PTPN14: variants seen among roughly 807,000 people sequenced by gnomAD.
PTPN14 encodes tyrosine-protein phosphatase non-receptor type 14.
A neutral mutation model predicts 126.8 loss-of-function variants in PTPN14; 53 were observed. That is an observed-to-expected ratio of 0.42 (90% CI 0.34 to 0.53). The LOEUF is 0.53. Among genes scored for constraint, PTPN14 ranks in the 20% least tolerant of loss-of-function variants. The pLI is 0.08. For missense variants in PTPN14, 1,257 were observed against 1,552.9 expected (o/e 0.81, Z 3.20); for synonymous variants, 630 against 599.3 (o/e 1.05, Z -0.75).
chr1:214,385,255 C>T (rs563254086), intron 12 of PTPN14, among the ~76,000 whole-genome samples: 3 of 152,326 alleles, frequency 2.0e-5, no homozygotes, highest in Admixed American at 1.3e-4. Flanking sequence ...AAAGCCCCTT[C>T]ACCCAGGGGA....
Position 214,364,429 on chromosome 1 carries a change from G to C in PTPN14, c.3435+83C>G. 1 of 1,490,572 alleles carries C rather than the reference G, an allele frequency of 6.7e-7. No individual in the cohort carries two copies. The highest frequency in any genetic ancestry group is 9.0e-7 in the Non-Finnish European group (1 of 1,108,112). 92.3% of individuals were successfully genotyped at this position (1,490,572 alleles called of 1,614,324 possible). On this transcript the variant is annotated intron_variant, in intron 18 of 18. Coordinates refer to ENST00000366956, the MANE Select transcript of PTPN14 (RefSeq NM_005401.5). The surrounding 1 kb of genome is among the most constrained non-coding windows in gnomAD (Gnocchi z 4.1). The stretch of plus-strand genomic sequence containing the variant: ...AGACAGGAAATTAACCACTGAAAAT[G>C]CAAGGGTGCAGGCAAAGGTTTGGCC...
Position 214,451,862 on chromosome 1 carries a change from A to T in PTPN14, c.287T>A (p.Phe96Tyr). Residue 96 changes from phenylalanine (F) to tyrosine (Y), a missense_variant, in exon 3 of 19, where the codon TTC (phenylalanine) becomes TAC (tyrosine). Phe to Tyr is a conservative substitution (Grantham distance 22). Transcript: ENST00000366956. The stretch of plus-strand genomic sequence containing the variant: ...TGGCACATAGAACATGACTCCAAAG[A>T]AAAGCAAAGGCTCATTAGCGAATTT... ...LDKFANEPLL[F>Y]FGVMFYVPNV... 2.5e-6 allele frequency: 4 copies of T among 1,614,252 alleles called. No individual in the cohort carries two copies. Among genetic ancestry groups the T allele is most frequent in the Non-Finnish European group, 3.4e-6 (4 of 1,180,044 alleles).
chr1:214,443,102 C>T (rs756035600), intron 3 of PTPN14, among the ~76,000 whole-genome samples: 2 of 152,170 alleles, frequency 1.3e-5, no homozygotes, highest in Admixed American at 6.5e-5. Context: ...GGATTACAGG[C>T]GTGAACCACC....
intron 1 of PTPN14, among the ~76,000 whole-genome samples, chr1:214,469,823 A>C: frequency 2.4e-5 from 1 of 41,918 alleles, no homozygotes; most frequent in South Asian, 6.4e-4. Flanking sequence ...CGCATGGGGA[A>C]AGGCGGGGGT....
chr1:214,413,389 C>T (rs1355629107), intron 4 of PTPN14, among the ~76,000 whole-genome samples: 1 of 152,198 alleles, frequency 6.6e-6, no homozygotes, highest in Non-Finnish European at 1.5e-5. Context: ...ATAGAAATTA[C>T]ACTTCTAACA....
intron 13 of PTPN14, among the ~76,000 whole-genome samples, chr1:214,382,749 A>G (rs1336552313): frequency 6.6e-6 from 1 of 152,258 alleles, no homozygotes; most frequent in Non-Finnish European, 1.5e-5. Context: ...TTTTGACAGA[A>G]TAAGTTCAAT....
intron 2 of PTPN14, among the ~76,000 whole-genome samples, chr1:214,454,895 C>T (rs1660349824): frequency 6.6e-6 from 1 of 151,824 alleles, no homozygotes; most frequent in Non-Finnish European, 1.5e-5. Flanking sequence ...TGTATCTACT[C>T]ACAGCCAGAA....
intron 1 of PTPN14, among the ~76,000 whole-genome samples, chr1:214,541,491 G>C (rs1452464058): frequency 6.6e-6 from 1 of 152,198 alleles, no homozygotes; most frequent in East Asian, 1.9e-4. Flanking sequence ...AGAGTTGAGG[G>C]GTTAGTTTCT....
intron 1 of PTPN14, chr1:214,530,307 T>A (rs1353750620): frequency 6.6e-6 from 1 of 152,046 alleles, no homozygotes; most frequent in Admixed American, 6.6e-5. Context: ...GCTCTAAAAA[T>A]CTATAATACT....
At chr1:214,428,642 T>G (rs1254615248) in intron 3 of PTPN14, among the ~76,000 whole-genome samples, 1 of 152,186 alleles carries the variant, frequency 6.6e-6, no homozygotes, top group Non-Finnish European at 1.5e-5. Flanking sequence ...TTATTTGACT[T>G]TTGAGTCCAG....
chr1:214,366,297 G>T (rs1039718113), intron 17 of PTPN14, among the ~76,000 whole-genome samples: 7 of 152,158 alleles, frequency 4.6e-5, no homozygotes, highest in Non-Finnish European at 1.0e-4. Flanking sequence ...TTTTCTGCGA[G>T]GGGGAAAAGA....
chr1:214,369,638 G>A lies in PTPN14; in HGVS notation c.3090C>T (p.His1030=). The A allele has an allele frequency of 6.2e-7, 1 of 1,614,200 alleles. No homozygotes were observed. The highest frequency in any genetic ancestry group is 8.5e-7 in the Non-Finnish European group (1 of 1,180,036). The change falls in exon 17 of 19, where the codon CAC becomes CAT. Residue 1030 remains histidine (H), a synonymous_variant. Coordinates refer to ENST00000366956, the MANE Select transcript of PTPN14 (RefSeq NM_005401.5). ...TGAACTTGCCATAGGTGGCTGAGCT[G>A]TGCTTTGAACCTAGTTTGGGCCAGT... ...HRYWPKLGSK[H]SSATYGKFKV...
Position 214,357,996 on chromosome 1 carries a change from T to C in PTPN14, c.3490A>G (p.Ile1164Val), listed in dbSNP as rs1421703565. Reference sequence around the variant, plus strand: ...AACTTGTACTGAGCGATAGTCTGGATCATGAACATCCTCTGCTCCCTGAGG... The same window carrying C: ...AACTTGTACTGAGCGATAGTCTGGACCATGAACATCCTCTGCTCCCTGAGG... The part of the protein sequence containing the change: ...RLLREQRMFM[I>V]QTIAQYKFVY... The change falls in exon 19 of 19, where the codon ATC becomes GTC. Residue 1164 changes from isoleucine to valine, a missense_variant. Ile to Val is a conservative substitution (Grantham distance 29). Transcript: ENST00000366956. 6.2e-7 allele frequency: 1 copy of C among 1,613,772 alleles called. No homozygotes were observed. Among genetic ancestry groups the C allele is most frequent in the Non-Finnish European group, 8.5e-7 (1 of 1,179,858 alleles).
chr1:214,460,760 A>G (rs1660493203), intron 2 of PTPN14, among the ~76,000 whole-genome samples: 1 of 152,096 alleles, frequency 6.6e-6, no homozygotes, highest in Admixed American at 6.6e-5. Flanking sequence ...AAACTCTAGG[A>G]GCAAAGACCC....
intron 1 of PTPN14, among the ~76,000 whole-genome samples, chr1:214,467,918 T>A (rs1468696033): frequency 6.6e-6 from 1 of 152,050 alleles, no homozygotes; most frequent in Non-Finnish European, 1.5e-5. Context: ...CTTTTAAAAG[T>A]CAATGTCATG....
intron 1 of PTPN14, among the ~76,000 whole-genome samples, chr1:214,524,136 C>G (rs1020940178): frequency 3.3e-5 from 5 of 151,996 alleles, no homozygotes; most frequent in African/African-American, 1.2e-4. Flanking sequence ...AGGCATGAGC[C>G]ACCACGTCTG....
rs1558151629 is a variant in PTPN14, at chr1:214,551,170, G to A, written c.-155+13C>T. 6.6e-6 allele frequency: 1 copy of A among 152,328 alleles called. No individual in the cohort carries two copies. Among genetic ancestry groups the A allele is most frequent in the Non-Finnish European group, 1.5e-5 (1 of 68,106 alleles). The allele number at this position is 152,328 out of a possible 1,614,324, so 9.4% of individuals were successfully genotyped here. On this transcript the variant is annotated intron_variant, in intron 1 of 18. Coordinates refer to ENST00000366956, the MANE Select transcript of PTPN14 (RefSeq NM_005401.5). ...CAACCTCGGGCCCAACTCCCGGCTT[G>A]GACGGGGCTTACCTGCTTACATGGC...
intron 2 of PTPN14, among the ~76,000 whole-genome samples, chr1:214,453,077 C>T (rs1044189065): frequency 6.6e-6 from 1 of 152,164 alleles, no homozygotes; most frequent in Non-Finnish European, 1.5e-5. Flanking sequence ...TATAAAGCTG[C>T]AGACCCAGAT....
intron 13 of PTPN14, among the ~76,000 whole-genome samples, chr1:214,381,901 G>A (rs1049938685): frequency 6.6e-6 from 1 of 152,110 alleles, no homozygotes; most frequent in East Asian, 1.9e-4. Context: ...AAGCAGCAAT[G>A]GAGATTTTTT....
Sources: allele counts gnomAD v4.1 joint callset (sites outside exome capture counted in the v4.1 genomes callset), GRCh38; gene constraint gnomAD v4.1.1; non-coding constraint Gnocchi (gnomAD v3.1); transcripts MANE v1.5; gene names NCBI Gene and HGNC (gene_info 2026-07-23, HGNC 2026-07-21).